Variants in EBF1 observed in about 807,000 individuals in gnomAD.
EBF1 encodes the protein transcription factor COE1.
In EBF1, 10 loss-of-function variants were observed where a neutral mutation model predicts 68.4. The ratio of observed to expected loss-of-function variants is 0.15; its 90% confidence interval spans 0.09 to 0.25. The LOEUF is 0.25. Among genes scored for constraint, EBF1 ranks in the 10% least tolerant of loss-of-function variants. The pLI, the probability that EBF1 is intolerant of heterozygous loss-of-function variation, is 1.00. For synonymous variants in EBF1, 298 were observed against 299.8 expected (o/e 0.99, Z 0.06); for missense variants, 509 against 794.4 (o/e 0.64, Z 4.32).
chr5:158,727,055 TG>T (rs2127534846), intron 11 of EBF1, among the ~76,000 whole-genome samples: 1 of 152,352 alleles, frequency 6.6e-6, no homozygotes, highest in South Asian at 2.1e-4. Context: ...AGGAGAAACC[TG>T]AAGCATGGGA....
intron 6 of EBF1, among the ~76,000 whole-genome samples, chr5:158,905,224 C>G (rs1320226814): frequency 6.6e-6 from 1 of 152,178 alleles, no homozygotes; most frequent in African/African-American, 2.4e-5. Flanking sequence ...ACATTGCTGC[C>G]GTGTAACTCC....
At chr5:159,071,859 G>T (rs1383861242) in intron 6 of EBF1, among the ~76,000 whole-genome samples, 1 of 152,082 alleles carries the variant, frequency 6.6e-6, no homozygotes, top group Non-Finnish European at 1.5e-5. Flanking sequence ...GGGACTATTT[G>T]GGCTGGTCCT....
intron 4 of EBF1, among the ~76,000 whole-genome samples, chr5:159,085,769 C>T (rs1461156378): frequency 6.6e-6 from 1 of 151,984 alleles, no homozygotes; most frequent in African/African-American, 2.4e-5. Context: ...GTACATATAT[C>T]TTAATATAGT....
intron 10 of EBF1, among the ~76,000 whole-genome samples, chr5:158,777,105 G>A: frequency 6.6e-6 from 1 of 152,230 alleles, no homozygotes; most frequent in Middle Eastern, 3.4e-3. Context: ...ACCCTAACAA[G>A]GTGGCTTAAC....
chr5:159,079,672 C>T (rs1267450342), intron 5 of EBF1, among the ~76,000 whole-genome samples: 4 of 142,562 alleles, frequency 2.8e-5, no homozygotes, highest in East Asian at 2.1e-4. Context: ...AGTGCAGTGG[C>T]GCAATCTCTG....
rs150520528 is a variant in EBF1 at position 158,768,106 on chromosome 5, C to A, written c.1036+9307G>T. ...CTCTCAGGACACTGGGTCCTTGGAG[C>A]AACACACACCCACTCATTTGGGGAT... On this transcript the variant is annotated intron_variant, in intron 10 of 15. Coordinates refer to ENST00000313708, the MANE Select transcript of EBF1 (RefSeq NM_024007.5). Among the ~76,000 whole-genome samples, 704 of 152,154 alleles carry A rather than the reference C, an allele frequency of 4.6e-3. 3 individuals carry two copies. The highest frequency in any genetic ancestry group is 0.024 in the Middle Eastern group (7 of 294).
chr5:158,875,493 G>A (rs1034421872), intron 6 of EBF1, among the ~76,000 whole-genome samples: 1 of 152,146 alleles, frequency 6.6e-6, no homozygotes, highest in Non-Finnish European at 1.5e-5. Context: ...AGGAATACCT[G>A]TAATCCCTGC....
At position 158,713,055 on chromosome 5, in the gene EBF1, C is replaced by G; in HGVS notation, c.1284G>C (p.Ser428=). 1 of 1,599,200 alleles carries G rather than the reference C, an allele frequency of 6.3e-7. No homozygotes were observed. The highest frequency in any genetic ancestry group is 2.3e-5 in the East Asian group (1 of 43,902). The change falls in exon 13 of 16, where the codon TCG becomes TCC. Residue 428 remains serine (S), a synonymous_variant. Transcript: ENST00000313708. ...HNQLPALANT[S]VHAGMMGVNS... is the part of the protein sequence containing the mutation. Reference sequence around the variant, plus strand: ...TCACGCCCATCATCCCTGCGTGGACCGAGGTGTTAGCAAGGGCCGGGAGTT... The same window carrying G: ...TCACGCCCATCATCCCTGCGTGGACGGAGGTGTTAGCAAGGGCCGGGAGTT...
At chr5:158,857,923 T>C (rs1324054013) in intron 6 of EBF1, among the ~76,000 whole-genome samples, 1 of 152,228 alleles carries the variant, frequency 6.6e-6, no homozygotes, top group Admixed American at 6.5e-5. Flanking sequence ...TCAATCTCTC[T>C]GCCTCTGTTT....
chr5:159,036,174 G>A (rs1194822701), intron 6 of EBF1, among the ~76,000 whole-genome samples: 1 of 152,206 alleles, frequency 6.6e-6, no homozygotes, highest in East Asian at 1.9e-4. Context: ...CTGCTCAATT[G>A]TCGCATCAGG....
chr5:158,779,351 G>C (rs574213648), intron 9 of EBF1, among the ~76,000 whole-genome samples: 1 of 151,990 alleles, frequency 6.6e-6, no homozygotes, highest in Non-Finnish European at 1.5e-5. Flanking sequence ...AAAAAGTCAC[G>C]GGACAAACAC....
chr5:158,885,690 A>T (rs989326668), intron 6 of EBF1, among the ~76,000 whole-genome samples: 1 of 152,160 alleles, frequency 6.6e-6, no homozygotes, highest in African/African-American at 2.4e-5. Context: ...TACTGGCTCC[A>T]TTACAGATAT....
chr5:158,888,009 A>T (rs1441238619), intron 6 of EBF1, among the ~76,000 whole-genome samples: 26 of 152,178 alleles, frequency 1.7e-4, no homozygotes, highest in Admixed American at 1.7e-3. Flanking sequence ...GGCAAACAGG[A>T]GAAAGGACTG....
chr5:158,850,223 T>C (rs543322733), intron 6 of EBF1, among the ~76,000 whole-genome samples: 1 of 152,328 alleles, frequency 6.6e-6, no homozygotes, highest in East Asian at 1.9e-4. Flanking sequence ...TACAGACCAT[T>C]CTGTTGACTT....
chr5:158,779,467 G>A (rs922513495), intron 9 of EBF1, among the ~76,000 whole-genome samples: 1 of 152,068 alleles, frequency 6.6e-6, no homozygotes, highest in African/African-American at 2.4e-5. Flanking sequence ...TGTGTTTTCT[G>A]TACCTATGCT....
At chr5:158,714,281 A>T in intron 11 of EBF1, 99 bp from the exon 12 acceptor site, 1 of 1,386,380 alleles carries the variant, frequency 7.2e-7, no homozygotes, top group Non-Finnish European at 1.0e-6. Flanking sequence ...TACTTTGCCA[A>T]GGCACTGCTA....
At chr5:159,090,042 C>T (rs571501266) in intron 4 of EBF1, among the ~76,000 whole-genome samples, 15 of 151,992 alleles carry the variant, frequency 9.9e-5, no homozygotes, top group Non-Finnish European at 1.6e-4. Flanking sequence ...ACTTTGTCAC[C>T]TAAGAGAATA....
chr5:158,898,118 C>T (rs1460700332), intron 6 of EBF1, among the ~76,000 whole-genome samples: 1 of 152,148 alleles, frequency 6.6e-6, no homozygotes, highest in Non-Finnish European at 1.5e-5. Flanking sequence ...TAAGTTTACC[C>T]TTTGTCTTTA....
intron 1 of EBF1, 45 bp from the exon 2 acceptor site, chr5:159,097,175 C>T: frequency 1.9e-6 from 3 of 1,587,324 alleles, no homozygotes; most frequent in Non-Finnish European, 1.7e-6. Flanking sequence ...CGGACGCCGA[C>T]CCGCGCCCCT....
Sources: allele counts gnomAD v4.1 joint callset (sites outside exome capture counted in the v4.1 genomes callset), GRCh38; gene constraint gnomAD v4.1.1; transcripts MANE v1.5; gene names NCBI Gene and HGNC (gene_info 2026-07-23, HGNC 2026-07-21).